Variants in TRIM5 observed in about 807,000 individuals in gnomAD.
The protein encoded by TRIM5 is tripartite motif-containing protein 5.
A neutral mutation model predicts 35.6 loss-of-function variants in TRIM5; 31 were observed. The ratio of observed to expected loss-of-function variants is 0.87; its 90% CI spans 0.65 to 1.18. The LOEUF is 1.18. Among genes scored for constraint, TRIM5 ranks in the 50% most tolerant of loss-of-function variants. The pLI, the probability that TRIM5 is intolerant of heterozygous loss-of-function variation, is 0.00. For synonymous variants in TRIM5, 243 were observed against 215.6 expected (o/e 1.13, Z -1.11); for missense variants, 609 against 591.6 (o/e 1.03, Z -0.31).
At chr11:5,591,512 T>C in the TRIM5 span, among the ~76,000 whole-genome samples, 1 of 152,122 alleles carries the variant, frequency 6.6e-6, no homozygotes. Flanking sequence ...GCTGGGCGTG[T>C]TGGCACATGC....
At chr11:5,652,203 A>C in the TRIM5 span, among the ~76,000 whole-genome samples, 3 of 151,784 alleles carry the variant, frequency 2.0e-5, no homozygotes, top group Non-Finnish European at 2.9e-5. Context: ...TTTTTGTTGC[A>C]ATTACTTTTG....
chr11:5,632,285 G>C, the TRIM5 span: 29 of 1,612,876 alleles, frequency 1.8e-5, no homozygotes, highest in Non-Finnish European at 2.3e-5. Context: ...AGAAGAGAGA[G>C]GAGAGCCTCA....
At chr11:5,659,656 A>G (rs943816107), downstream of TRIM5, among the ~76,000 whole-genome samples, 2 of 152,162 alleles carry the variant, frequency 1.3e-5, no homozygotes, top group Non-Finnish European at 2.9e-5. Flanking sequence ...CTGAGTGCCT[A>G]GATGGTACAG....
chr11:5,656,022 T>A, the TRIM5 span, among the ~76,000 whole-genome samples: 1 of 152,294 alleles, frequency 6.6e-6, no homozygotes, highest in South Asian at 2.1e-4. Flanking sequence ...ATTAAAGACT[T>A]AAACATAAGA....
At chr11:5,666,925 G>C (rs1206770416) in intron 5 of TRIM5, among the ~76,000 whole-genome samples, 1 of 152,108 alleles carries the variant, frequency 6.6e-6, no homozygotes, top group Non-Finnish European at 1.5e-5. Flanking sequence ...AGAGGAACTG[G>C]TCTTTTTCCA....
At chr11:5,651,054 A>T in the TRIM5 span, among the ~76,000 whole-genome samples, 2 of 152,212 alleles carry the variant, frequency 1.3e-5, no homozygotes, top group African/African-American at 4.8e-5. Flanking sequence ...GTAACTTAGT[A>T]AATGGACTGG....
At chr11:5,634,516 CACACACACACACACATAT>C in the TRIM5 span, 3 of 574,352 alleles carry the variant, frequency 5.2e-6, no homozygotes, top group Non-Finnish European at 8.0e-6. Flanking sequence ...CACACACACA[CACACACACACACACATAT>C]ATATATATAT....
chr11:5,640,805 T>A, the TRIM5 span, among the ~76,000 whole-genome samples: 5 of 152,226 alleles, frequency 3.3e-5, no homozygotes, highest in African/African-American at 1.2e-4. Context: ...AGTCTTTGAA[T>A]TCCAACTTAA....
At chr11:5,650,001 C>A in the TRIM5 span, among the ~76,000 whole-genome samples, 1 of 152,216 alleles carries the variant, frequency 6.6e-6, no homozygotes, top group Admixed American at 6.5e-5. Context: ...ATTCCATAAA[C>A]ATGGGCCCTT....
At chr11:5,628,417 T>C in the TRIM5 span, among the ~76,000 whole-genome samples, 1 of 152,216 alleles carries the variant, frequency 6.6e-6, no homozygotes, top group Non-Finnish European at 1.5e-5. Context: ...GTCTGACCAA[T>C]GGTCATTGTA....
chr11:5,667,895 T>A (rs1180485919), intron 4 of TRIM5, among the ~76,000 whole-genome samples, 184 bp from the exon 5 acceptor site: 1 of 152,132 alleles, frequency 6.6e-6, no homozygotes, highest in African/African-American at 2.4e-5. Context: ...ATTTCCAAGT[T>A]CCCTTAAAAG....
At chr11:5,643,131 T>A in the TRIM5 span, 6 of 909,242 alleles carry the variant, frequency 6.6e-6, no homozygotes, top group East Asian at 3.8e-5. Context: ...ATATATTTTT[T>A]TTTTTCTTGC....
chr11:5,636,510 T>C, the TRIM5 span, among the ~76,000 whole-genome samples: 9 of 152,340 alleles, frequency 5.9e-5, no homozygotes, highest in African/African-American at 2.2e-4. Flanking sequence ...GCAAATCTTA[T>C]GGTATTTGAA....
Position 5,665,132 on chromosome 11 carries a change from T to A in TRIM5, c.1159A>T (p.Ile387Phe). 1 of 1,614,108 alleles carries A rather than the reference T, an allele frequency of 6.2e-7. No individual in the cohort carries two copies. The highest frequency in any genetic ancestry group is 2.2e-5 in the East Asian group (1 of 44,886). Residue 387 changes from isoleucine to phenylalanine, a missense_variant, in exon 8 of 8, where the codon ATT (isoleucine) becomes TTT (phenylalanine). Physicochemically the swap from Ile to Phe is conservative, Grantham distance 21. Coordinates refer to ENST00000380034, the MANE Select transcript of TRIM5 (RefSeq NM_033034.3). ...GGTTGATAATTTTCATTTTTTTCAATATTACACATTGCATCAGGTTGGAAG... is the reference window on the plus strand; with the variant it reads ...GGTTGATAATTTTCATTTTTTTCAAAATTACACATTGCATCAGGTTGGAAG... ...AGFQPDAMCNIEKNENYQPKY... is the reference protein window; with the variant it reads ...AGFQPDAMCNFEKNENYQPKY...
chr11:5,660,924 G>C (rs71490143), downstream of TRIM5, among the ~76,000 whole-genome samples: 2 of 150,992 alleles, frequency 1.3e-5, no homozygotes, highest in Non-Finnish European at 3.0e-5. Flanking sequence ...TGCCTGTAGT[G>C]CCAGCTACTC....
downstream of TRIM5, among the ~76,000 whole-genome samples, chr11:5,660,979 T>G (rs1241723803): frequency 8.0e-6 from 1 of 125,720 alleles, no homozygotes; most frequent in African/African-American, 3.1e-5. Flanking sequence ...GAGGTGGAGG[T>G]TGCAGTGAGC....
the TRIM5 span, among the ~76,000 whole-genome samples, chr11:5,615,628 C>A: frequency 2.7e-5 from 4 of 149,382 alleles, no homozygotes; most frequent in African/African-American, 9.8e-5. Flanking sequence ...GAGTCTCGTT[C>A]TGTCATCCAG....
At chr11:5,650,582 A>C in the TRIM5 span, among the ~76,000 whole-genome samples, 1 of 152,226 alleles carries the variant, frequency 6.6e-6, no homozygotes, top group Admixed American at 6.5e-5. Context: ...GTGCAGCAGA[A>C]GTGAAGACCA....
chr11:5,632,351 T>C, the TRIM5 span: 1 of 1,614,106 alleles, frequency 6.2e-7, no homozygotes, highest in Non-Finnish European at 8.5e-7. Context: ...AAAATCTTGC[T>C]TAACGTACAA....
Sources: gnomAD v4.1 joint callset for allele counts (sites outside exome capture counted in the v4.1 genomes callset) on GRCh38, gnomAD v4.1.1 for gene constraint, MANE v1.5 for transcripts, NCBI Gene and HGNC (gene_info 2026-07-23, HGNC 2026-07-21) for gene names.